ASCC3: variants seen among roughly 807,000 people sequenced by gnomAD.
ASCC3 encodes the protein activating signal cointegrator 1 complex subunit 3, also known as ASC-1 complex subunit P200.
A neutral mutation model predicts 256.3 loss-of-function variants in ASCC3; 158 were observed. The observed-to-expected ratio is 0.62, with a 90% CI of 0.54 to 0.70. The LOEUF (loss-of-function observed/expected upper bound fraction) is 0.70. ASCC3 is among the 30% of genes least tolerant of loss of function. The pLI, the probability that ASCC3 is intolerant of heterozygous loss-of-function variation, is 0.00. For missense variants in ASCC3, 2,259 were observed against 2,626.0 expected, an observed-to-expected ratio of 0.86 and a Z score of 3.05; for synonymous variants, 948 against 883.4, an observed-to-expected ratio of 1.07 and a Z score of -1.30.
chr6:100,664,429 CA>C (rs1241758135), intron 14 of ASCC3, among the ~76,000 whole-genome samples: 3 of 151,556 alleles, frequency 2.0e-5, no homozygotes, highest in African/African-American at 7.3e-5. Context: ...ATTATAAAAC[CA>C]AAAGTAATGC....
At chr6:100,840,711 T>C (rs950930107) in intron 4 of ASCC3, among the ~76,000 whole-genome samples, 1 of 152,046 alleles carries the variant, frequency 6.6e-6, no homozygotes, top group African/African-American at 2.4e-5. Flanking sequence ...AAATTATATA[T>C]CCTGTGTGAC....
chr6:100,825,828 T>C (rs1340850314), intron 4 of ASCC3, among the ~76,000 whole-genome samples: 1 of 151,978 alleles, frequency 6.6e-6, no homozygotes, highest in African/African-American at 2.4e-5. Context: ...TCTAATCTTG[T>C]CTTCTCACTT....
At chr6:100,672,920 C>T (rs773884919) in intron 14 of ASCC3, among the ~76,000 whole-genome samples, 5 of 151,886 alleles carry the variant, frequency 3.3e-5, no homozygotes, top group African/African-American at 7.3e-5. Flanking sequence ...CAGCTTACAC[C>T]GAGTAAATAT....
intron 4 of ASCC3, among the ~76,000 whole-genome samples, chr6:100,835,830 C>G (rs1771848837): frequency 6.6e-6 from 1 of 152,048 alleles, no homozygotes; most frequent in Non-Finnish European, 1.5e-5. Flanking sequence ...GCCTATAGAT[C>G]ACTTTAGGAG....
chr6:100,868,839 G>A (rs937865612), intron 1 of ASCC3, among the ~76,000 whole-genome samples: 4 of 152,272 alleles, frequency 2.6e-5, no homozygotes, highest in Non-Finnish European at 5.9e-5. Context: ...AGAACATACC[G>A]GGAAAGAGAG....
At chr6:100,831,093 G>T (rs922866905) in intron 4 of ASCC3, among the ~76,000 whole-genome samples, 2 of 151,934 alleles carry the variant, frequency 1.3e-5, no homozygotes, top group Non-Finnish European at 2.9e-5. Context: ...ATTTATAAAA[G>T]ACTAAAACAG....
intron 24 of ASCC3, among the ~76,000 whole-genome samples, chr6:100,641,448 G>T (rs866501913): frequency 2.0e-5 from 3 of 152,174 alleles, no homozygotes; most frequent in South Asian, 4.1e-4. Flanking sequence ...CTGATGGCCA[G>T]TGATGATGCA....
chr6:100,573,402 C>T (rs1440568958), intron 36 of ASCC3, among the ~76,000 whole-genome samples: 2 of 152,040 alleles, frequency 1.3e-5, no homozygotes, highest in African/African-American at 2.4e-5. Flanking sequence ...ACCAAAGAGA[C>T]CCTAACAATT....
chr6:100,608,160 T>TATGTATATATATCTA (rs1582549578), intron 30 of ASCC3, among the ~76,000 whole-genome samples: 36 of 15,300 alleles, frequency 2.4e-3, no homozygotes, highest in Non-Finnish European at 3.7e-3. Context: ...ATATACATAT[T>TATGTATATATATCTA]TATATACATA....
At chr6:100,559,164 A>G (rs1212287424) in intron 36 of ASCC3, among the ~76,000 whole-genome samples, 1 of 152,190 alleles carries the variant, frequency 6.6e-6, no homozygotes, top group African/African-American at 2.4e-5. Flanking sequence ...ATGCATTTCA[A>G]TAGGGCATTC....
chr6:100,687,243 T>A (rs1439568630), intron 13 of ASCC3, among the ~76,000 whole-genome samples: 1 of 152,114 alleles, frequency 6.6e-6, no homozygotes, highest in African/African-American at 2.4e-5. Flanking sequence ...AAATTAGTTA[T>A]CTCACAAAAT....
chr6:100,605,845 T>C (rs1772857676), intron 32 of ASCC3, 145 bp from the exon 33 acceptor site: 1 of 882,176 alleles, frequency 1.1e-6, no homozygotes, highest in East Asian at 2.7e-5. Flanking sequence ...TGATGGCTAC[T>C]ACTACGTTGA....
intron 13 of ASCC3, among the ~76,000 whole-genome samples, chr6:100,713,900 A>T (rs922425866): frequency 6.6e-6 from 1 of 152,174 alleles, no homozygotes; most frequent in Non-Finnish European, 1.5e-5. Flanking sequence ...AGCTACTTAC[A>T]CTGAATTTAT....
At chr6:100,522,349 T>C (rs1313338341) in intron 37 of ASCC3, among the ~76,000 whole-genome samples, 2 of 152,184 alleles carry the variant, frequency 1.3e-5, no homozygotes, top group Non-Finnish European at 2.9e-5. Flanking sequence ...AAAATTATAC[T>C]ATAACTAAAA....
At chr6:100,581,398 T>C (rs1364271954) in intron 36 of ASCC3, among the ~76,000 whole-genome samples, 3 of 152,204 alleles carry the variant, frequency 2.0e-5, no homozygotes, top group Non-Finnish European at 2.9e-5. Context: ...GAAGTGTCTG[T>C]TCATGTCCTT....
intron 36 of ASCC3, among the ~76,000 whole-genome samples, chr6:100,581,026 G>C (rs1343862280): frequency 6.6e-6 from 1 of 152,222 alleles, no homozygotes; most frequent in Admixed American, 6.5e-5. Flanking sequence ...ATTGCGAATA[G>C]TGCCGCAATA....
intron 34 of ASCC3, among the ~76,000 whole-genome samples, chr6:100,600,120 A>G (rs180721705): frequency 5.9e-5 from 9 of 152,034 alleles, no homozygotes; most frequent in Non-Finnish European, 1.0e-4. Flanking sequence ...TTTCTGTCAC[A>G]CTAAATGCCT....
At position 100,800,305 on chromosome 6, in the gene ASCC3, T is replaced by A. The variant is rs774552944; in HGVS notation, c.1122A>T (p.Ile374=). The change falls in exon 6 of 42, where the codon ATA becomes ATT. Residue 374 remains isoleucine, a synonymous_variant. Transcript: ENST00000369162. Reference sequence around the variant, plus strand: ...CAGCTCCTGGCTTTTATTACCTTTGTATCCGCAATTCCTTAGGATCAAAGC... The same window carrying A: ...CAGCTCCTGGCTTTTATTACCTTTGAATCCGCAATTCCTTAGGATCAAAGC... The part of the protein sequence containing the change: ...LMCFDPKELR[I]QREQALLNAR... 2.2e-5 allele frequency: 35 copies of A among 1,612,558 alleles called. No homozygotes were observed. The highest frequency in any genetic ancestry group is 3.0e-5 in the Non-Finnish European group (35 of 1,179,096).
Position 100,867,985 on chromosome 6 carries a change from G to C in ASCC3, c.13C>G (p.Arg5Gly). MALP[R>G]LTGALRSFSN... ...AAGGAACGCAAGGCTCCTGTGAGAC[G>C]AGGTAAAGCCATCTATTATTCAATC... The change falls in exon 2 of 42, where the codon CGT becomes GGT. Residue 5 changes from arginine to glycine, a missense_variant. This residue lies in a region of ASCC3 where 420 missense variants were observed against 419.3 expected (regional missense o/e 1.00). Transcript: ENST00000369162. 6.2e-7 allele frequency: 1 copy of C among 1,612,874 alleles called. No homozygotes were observed. The highest frequency in any genetic ancestry group is 8.5e-7 in the Non-Finnish European group (1 of 1,179,034).
Sources: gnomAD v4.1 joint callset for allele counts (sites outside exome capture counted in the v4.1 genomes callset) on GRCh38, gnomAD v4.1.1 for gene constraint, gnomAD v4.1.1 regional missense constraint, MANE v1.5 for transcripts, NCBI Gene and HGNC (gene_info 2026-07-23, HGNC 2026-07-21) for gene names.